The following SLC22A3 variants were observed in gnomAD, a reference collection of about 807,000 sequenced individuals.
The protein encoded by SLC22A3 is solute carrier family 22 member 3, also known as EMT organic cation transporter 3.
Under a neutral mutation model 59.1 loss-of-function variants are expected in SLC22A3, and 51 were observed. The observed-to-expected ratio is 0.86, with a 90% confidence interval of 0.69 to 1.09. The LOEUF is 1.09. SLC22A3 is among the 50% of genes least tolerant of loss of function. The pLI is 0.00. For synonymous variants in SLC22A3, 325 were observed against 292.0 expected, an observed-to-expected ratio of 1.11 and a Z score of -1.15; for missense variants, 711 against 726.3, an observed-to-expected ratio of 0.98 and a Z score of 0.24.
intron 7 of SLC22A3, among the ~76,000 whole-genome samples, chr6:160,437,712 T>G (rs2114916297): frequency 6.6e-6 from 1 of 152,272 alleles, no homozygotes; most frequent in South Asian, 2.1e-4. Context: ...ATTTACAAGA[T>G]TTAGAAATAT....
intron 1 of SLC22A3, among the ~76,000 whole-genome samples, chr6:160,349,744 G>A (rs1784599988): frequency 1.3e-5 from 2 of 152,274 alleles, no homozygotes; most frequent in South Asian, 2.1e-4. Context: ...TGTAATAATC[G>A]GAACTCAGAA....
chr6:160,435,973 C>T (rs972408593), intron 5 of SLC22A3, among the ~76,000 whole-genome samples: 1 of 152,030 alleles, frequency 6.6e-6, no homozygotes, highest in African/African-American at 2.4e-5. Flanking sequence ...GATAGAGGTC[C>T]GGGGAGTAGA....
At chr6:160,356,440 C>G (rs1375441037) in intron 1 of SLC22A3, among the ~76,000 whole-genome samples, 1 of 152,206 alleles carries the variant, frequency 6.6e-6, no homozygotes, top group Non-Finnish European at 1.5e-5. Flanking sequence ...TTTTAATGTG[C>G]TGACGTCCAT....
chr6:160,360,134 T>A (rs543072678), intron 1 of SLC22A3, among the ~76,000 whole-genome samples: 1 of 152,334 alleles, frequency 6.6e-6, no homozygotes, highest in African/African-American at 2.4e-5. Context: ...TTTCTTTTTT[T>A]AAACCATATA....
At chr6:160,351,881 G>A (rs1562463802) in intron 1 of SLC22A3, among the ~76,000 whole-genome samples, 2 of 152,108 alleles carry the variant, frequency 1.3e-5, no homozygotes, top group Non-Finnish European at 2.9e-5. Context: ...TCAAATCCGG[G>A]GGCCTTGATT....
rs200861075 is a variant in SLC22A3 at position 160,437,047 on chromosome 6, T to G, written c.1124T>G (p.Ile375Arg). Residue 375 changes from isoleucine (I) to arginine (R), a missense_variant, in exon 7 of 11, where the codon ATA becomes AGA. Physicochemically the swap from Ile to Arg is moderately conservative, Grantham distance 97 (BLOSUM62 -3). Transcript: ENST00000275300. ...YQGLVMRLGI[I>R]GGNLYIDFFI... ...GGACTTGTCATGCGCCTGGGAATTA[T>G]AGGGGGCAACCTCTATATAGACTTT... is the stretch of plus-strand genomic sequence containing the variant. The G allele has an allele frequency of 5.1e-5, 83 of 1,614,046 alleles. No homozygotes were observed. Among genetic ancestry groups the G allele is most frequent in the Non-Finnish European group, 5.9e-6 (7 of 1,180,002 alleles).
rs377650302 is a variant in SLC22A3 at position 160,375,703 on chromosome 6, A to G, written c.430-22276A>G. Among the ~76,000 whole-genome samples the G allele has an allele frequency of 3.9e-5, 6 of 152,252 alleles. No individual in the cohort carries two copies. In the East Asian group the frequency reaches 1.2e-3, roughly 29 times the overall value. Reference sequence around the variant, plus strand: ...TTTTTTTAAATTCTGAAAGTCTTGCATATTTCCTGCACTGTATATTTACCT... The same window carrying G: ...TTTTTTTAAATTCTGAAAGTCTTGCGTATTTCCTGCACTGTATATTTACCT... On this transcript the variant is annotated intron_variant, in intron 1 of 10. Coordinates refer to ENST00000275300, the MANE Select transcript of SLC22A3 (RefSeq NM_021977.4).
At chr6:160,444,921 T>C (rs559062044) in intron 9 of SLC22A3, among the ~76,000 whole-genome samples, 56 of 152,192 alleles carry the variant, frequency 3.7e-4, no homozygotes, top group African/African-American at 1.3e-3. Context: ...CACCTCAAAT[T>C]ATTGTATGGG....
chr6:160,366,810 T>G (rs1396622322), intron 1 of SLC22A3, among the ~76,000 whole-genome samples: 2 of 152,156 alleles, frequency 1.3e-5, no homozygotes, highest in African/African-American at 2.4e-5. Flanking sequence ...GGCTGAGACC[T>G]CCTCAGCCTG....
chr6:160,360,317 C>A (rs890706914), intron 1 of SLC22A3, among the ~76,000 whole-genome samples: 6 of 152,002 alleles, frequency 3.9e-5, no homozygotes, highest in Non-Finnish European at 7.4e-5. Flanking sequence ...AATTAGCCAG[C>A]CGTGATGGCA....
chr6:160,419,180 C>T (rs1787628122), intron 5 of SLC22A3, among the ~76,000 whole-genome samples: 1 of 151,894 alleles, frequency 6.6e-6, no homozygotes, highest in Admixed American at 6.6e-5. Context: ...TTTTTTATTA[C>T]CTTAGTTGTC....
chr6:160,445,874 G>C (rs73592938), intron 9 of SLC22A3, among the ~76,000 whole-genome samples: 1 of 152,234 alleles, frequency 6.6e-6, no homozygotes, highest in African/African-American at 2.4e-5. Flanking sequence ...AAGAGTTCAA[G>C]TGGAAATAGA....
chr6:160,407,158 A>G lies in SLC22A3; in HGVS notation c.651A>G (p.Val217=). The change falls in exon 3 of 11, where the codon GTA becomes GTG. Residue 217 remains valine, a synonymous_variant. Transcript: ENST00000275300. ...VFVIFRFLQG[V]FGKGTWMTCY... The stretch of plus-strand genomic sequence containing the variant: ...TGATCTTCCGCTTCCTGCAAGGTGT[A>G]TTTGGAAAGGGGACGTGGATGACTT... 6.2e-7 allele frequency: 1 copy of G among 1,612,072 alleles called. No homozygotes were observed. Among genetic ancestry groups the G allele is most frequent in the Non-Finnish European group, 8.5e-7 (1 of 1,178,950 alleles).
At chr6:160,393,238 C>A (rs1386365622) in intron 1 of SLC22A3, among the ~76,000 whole-genome samples, 1 of 151,812 alleles carries the variant, frequency 6.6e-6, no homozygotes, top group African/African-American at 2.4e-5. Flanking sequence ...GTCTGAGGAG[C>A]AAATGAGGCC....
At chr6:160,374,609 A>G (rs965073816) in intron 1 of SLC22A3, among the ~76,000 whole-genome samples, 3 of 152,232 alleles carry the variant, frequency 2.0e-5, no homozygotes, top group African/African-American at 4.8e-5. Flanking sequence ...TGAGACAGAC[A>G]TCATCCCTGC....
Position 160,348,621 on chromosome 6 carries a change from G to A in SLC22A3, c.202G>A (p.Glu68Lys). The A allele has an allele frequency of 6.6e-7, 1 of 1,504,652 alleles. No homozygotes were observed. The highest frequency in any genetic ancestry group is 8.8e-7 in the Non-Finnish European group (1 of 1,134,532). The allele number at this position is 1,504,652 out of a possible 1,614,324, so 93.2% of individuals were successfully genotyped here. ...ALAERCGWSP[E>K]EEWNRTAPAS... ...GGCCGAGCGCTGCGGCTGGAGCCCG[G>A]AGGAGGAGTGGAACCGCACGGCGCC... Residue 68 changes from glutamate (E) to lysine (K), a missense_variant, in exon 1 of 11, where the codon GAG becomes AAG. By Grantham distance (56) the Glu-to-Lys change is moderately conservative. Transcript: ENST00000275300.
At chr6:160,437,523 A>C (rs1435041410) in intron 7 of SLC22A3, among the ~76,000 whole-genome samples, 1 of 152,206 alleles carries the variant, frequency 6.6e-6, no homozygotes, top group Non-Finnish European at 1.5e-5. Context: ...CTGATGTTTA[A>C]CTTATTTCCT....
At chr6:160,448,096 A>T (rs889005832) in intron 10 of SLC22A3, among the ~76,000 whole-genome samples, 1 of 152,184 alleles carries the variant, frequency 6.6e-6, no homozygotes, top group Non-Finnish European at 1.5e-5. Flanking sequence ...TAAAGGCAGG[A>T]ACTGCTGATG....
chr6:160,407,464 A>T (rs1787063776), intron 3 of SLC22A3, among the ~76,000 whole-genome samples: 1 of 152,150 alleles, frequency 6.6e-6, no homozygotes. Flanking sequence ...CACTGTTATA[A>T]TATGGTTTCT....
Sources: gnomAD v4.1 joint callset for allele counts (sites outside exome capture counted in the v4.1 genomes callset) on GRCh38, gnomAD v4.1.1 for gene constraint, MANE v1.5 for transcripts, NCBI Gene and HGNC (gene_info 2026-07-23, HGNC 2026-07-21) for gene names.